The following ZMYND11 variants were observed in gnomAD, a reference collection of about 807,000 sequenced individuals.
ZMYND11 encodes the protein zinc finger MYND domain-containing protein 11.
ZMYND11 carries 9 observed loss-of-function variants against 84.9 expected under a neutral mutation model. That is an observed-to-expected ratio of 0.11 (90% CI 0.06 to 0.18). The LOEUF is 0.18. Ranked by LOEUF, ZMYND11 falls within the 10% of genes least tolerant of loss-of-function variation. The probability of loss-of-function intolerance (pLI) is 1.00; values close to 1 mark genes in which losing one functional copy is unlikely to be tolerated. For synonymous variants in ZMYND11, 250 were observed against 244.1 expected (o/e 1.02, Z -0.23); for missense variants, 409 against 761.0 (o/e 0.54, Z 5.44).
intron 2 of ZMYND11, among the ~76,000 whole-genome samples, chr10:198,957 C>T (rs1035281877): frequency 6.6e-6 from 1 of 152,236 alleles, no homozygotes; most frequent in African/African-American, 2.4e-5. Flanking sequence ...TCCAGGTTAG[C>T]TTTAAGCAGA....
At chr10:160,410 T>C (rs1438526741) in intron 1 of ZMYND11, among the ~76,000 whole-genome samples, 1 of 152,246 alleles carries the variant, frequency 6.6e-6, no homozygotes, top group East Asian at 1.9e-4. Flanking sequence ...TGCCTTGATG[T>C]TGATGGCTGC....
chr10:140,064 C>T (rs1249806059), intron 1 of ZMYND11, among the ~76,000 whole-genome samples: 1 of 152,082 alleles, frequency 6.6e-6, no homozygotes, highest in Non-Finnish European at 1.5e-5. Context: ...GGAAAGTTCA[C>T]CTTGTAGCAC....
chr10:161,959 A>T (rs1159899002), intron 1 of ZMYND11, among the ~76,000 whole-genome samples: 2 of 152,228 alleles, frequency 1.3e-5, no homozygotes, highest in African/African-American at 2.4e-5. Flanking sequence ...CGCAGCTGGG[A>T]TAGCTGTTTG....
intron 3 of ZMYND11, among the ~76,000 whole-genome samples, chr10:217,607 G>A (rs1171493057): frequency 1.3e-5 from 2 of 151,844 alleles, no homozygotes; most frequent in Non-Finnish European, 2.9e-5. Flanking sequence ...ATAATTATAA[G>A]CATGTTCTAT....
chr10:240,743 T>C lies in ZMYND11; in HGVS notation c.754-150T>C, dbSNP rs1195950564. On this transcript the variant is annotated intron_variant, in intron 8 of 14. Coordinates refer to ENST00000381604, the MANE Select transcript of ZMYND11 (RefSeq NM_001370100.5). Reference sequence around the variant, plus strand: ...GACAGGGTCTTCCAGTACCATTTATTGAAAACTTTAAAATTTAGGCTTAAA... The same window carrying C: ...GACAGGGTCTTCCAGTACCATTTATCGAAAACTTTAAAATTTAGGCTTAAA... The C allele has an allele frequency of 4.7e-6, 3 of 636,736 alleles. No homozygotes were observed. In the African/African-American group the frequency reaches 5.6e-5, roughly 12 times the overall value. The allele number at this position is 636,736 out of a possible 1,614,324, so 39.4% of individuals were successfully genotyped here. A position where few individuals can be genotyped will look rare whatever the true frequency, so the allele number is the denominator to read the frequency against.
chr10:231,069 G>T (rs1948947270), intron 4 of ZMYND11, among the ~76,000 whole-genome samples: 1 of 152,180 alleles, frequency 6.6e-6, no homozygotes, highest in East Asian at 1.9e-4. Context: ...TCAAATTTTA[G>T]TATCCAAAAG....
At chr10:231,944 T>A (rs1054262854) in intron 4 of ZMYND11, among the ~76,000 whole-genome samples, 8 of 152,182 alleles carry the variant, frequency 5.3e-5, no homozygotes, top group African/African-American at 1.9e-4. Context: ...ATCACTCCCG[T>A]ATGCCACCAG....
intron 1 of ZMYND11, among the ~76,000 whole-genome samples, chr10:138,127 T>A (rs908394247): frequency 2.6e-4 from 39 of 151,128 alleles, no homozygotes; most frequent in Non-Finnish European, 1.6e-4. Flanking sequence ...TTTTTTTTTT[T>A]GAGATGGAGT....
At chr10:151,375 C>CTGAT (rs1359536135) in intron 1 of ZMYND11, among the ~76,000 whole-genome samples, 1 of 152,146 alleles carries the variant, frequency 6.6e-6, no homozygotes, top group East Asian at 1.9e-4. Context: ...TTTAAATGAC[C>CTGAT]TGATGGAGCT....
At chr10:228,916 T>G (rs1489062035) in intron 4 of ZMYND11, among the ~76,000 whole-genome samples, 1 of 152,236 alleles carries the variant, frequency 6.6e-6, no homozygotes, top group African/African-American at 2.4e-5. Flanking sequence ...CCCTTCTCTC[T>G]GTAGATAAAT....
intron 2 of ZMYND11, among the ~76,000 whole-genome samples, chr10:199,796 TTTAAC>T (rs1942690708): frequency 6.6e-6 from 1 of 151,568 alleles, no homozygotes; most frequent in African/African-American, 2.4e-5. Context: ...GTGGATATAC[TTTAAC>T]TTATTTTACT....
chr10:230,504 A>G (rs1166172825), intron 4 of ZMYND11, among the ~76,000 whole-genome samples: 1 of 133,986 alleles, frequency 7.5e-6, no homozygotes, highest in African/African-American at 2.7e-5. Context: ...AAAAAAAACT[A>G]CAGCCTCCAG....
rs2303990 is a variant in ZMYND11, at chr10:246,987, C to G, written c.1158+14C>G. On this transcript the variant is annotated intron_variant, in intron 11 of 14. Coordinates refer to ENST00000381604, the MANE Select transcript of ZMYND11 (RefSeq NM_001370100.5). Reference sequence around the variant, plus strand: ...AGTAATGAGCAGGTGAGTGTGTCTCCGGAAGGAAGTGCCTATTCATTATTA... The same window carrying G: ...AGTAATGAGCAGGTGAGTGTGTCTCGGGAAGGAAGTGCCTATTCATTATTA... 12 of 1,590,270 alleles carry G rather than the reference C, an allele frequency of 7.5e-6. No homozygotes were observed. The highest frequency in any genetic ancestry group is 7.7e-6 in the Non-Finnish European group (9 of 1,167,394).
rs1029812011 is a variant in ZMYND11, at chr10:253,252, A to C, written c.*782A>C. 1 of 152,674 alleles carries C rather than the reference A, an allele frequency of 6.5e-6. No homozygotes were observed. The highest frequency in any genetic ancestry group is 2.4e-5 in the African/African-American group (1 of 41,460). 9.5% of individuals were successfully genotyped at this position (152,674 alleles called of 1,614,324 possible). The stretch of plus-strand genomic sequence containing the variant: ...TGTAACAAAATAAACAACAAAAACA[A>C]AGCCAAAAACTACCTTTATCCATAT... On this transcript the variant is annotated 3_prime_UTR_variant, in exon 15 of 15. Transcript: ENST00000381604.
intron 2 of ZMYND11, among the ~76,000 whole-genome samples, chr10:182,900 A>G (rs182612887): frequency 3.9e-5 from 6 of 152,318 alleles, no homozygotes; most frequent in East Asian, 1.9e-4. Context: ...TTCATTTTCA[A>G]TCAAGTCGCT....
upstream of ZMYND11, chr10:135,359 CGGCGGGGTCCG>C (rs1355062837): frequency 2.0e-5 from 3 of 150,638 alleles, no homozygotes; most frequent in East Asian, 5.9e-4. This position sits in a 1 kb window ranked among gnomAD's most constrained non-coding sequence, Gnocchi z 5.6. Context: ...GCGGAGCCGG[CGGCGGGGTCCG>C]GGCGGGGGGG....
At chr10:159,698 T>A (rs1445653018) in intron 1 of ZMYND11, among the ~76,000 whole-genome samples, 1 of 152,214 alleles carries the variant, frequency 6.6e-6, no homozygotes, top group Non-Finnish European at 1.5e-5. Context: ...AATTTGTCAC[T>A]TATATTTTTA....
chr10:217,042 A>T (rs1946295288), intron 3 of ZMYND11, among the ~76,000 whole-genome samples: 1 of 152,220 alleles, frequency 6.6e-6, no homozygotes, highest in South Asian at 2.1e-4. Context: ...TGGTTGTGTA[A>T]TATTTATCTA....
At chr10:218,483 C>T (rs947770046) in intron 3 of ZMYND11, 17 of 393,682 alleles carry the variant, frequency 4.3e-5, no homozygotes, top group Non-Finnish European at 8.2e-5. Context: ...TTCTCCAGGA[C>T]AGCAGCCCCA....
Sources: gnomAD v4.1 joint callset for allele counts (sites outside exome capture counted in the v4.1 genomes callset) on GRCh38, gnomAD v4.1.1 for gene constraint, Gnocchi (gnomAD v3.1) non-coding constraint, MANE v1.5 for transcripts, NCBI Gene and HGNC (gene_info 2026-07-23, HGNC 2026-07-21) for gene names.